The following ST6GALNAC3 variants were observed in gnomAD, a reference collection of about 807,000 sequenced individuals.
ST6GALNAC3 encodes the protein ST6 N-acetylgalactosaminide alpha-2,6-sialyltransferase 3, also known as alpha-N-acetylgalactosaminide alpha-2,6-sialyltransferase 3.
ST6GALNAC3 carries 25 observed loss-of-function variants against 32.7 expected under a neutral mutation model. The ratio of observed to expected loss-of-function variants is 0.76; its 90% confidence interval spans 0.56 to 1.07. The LOEUF (loss-of-function observed/expected upper bound fraction) is 1.07, where lower values mean the gene tolerates loss of function less well. ST6GALNAC3 is among the 50% of genes least tolerant of loss of function. ST6GALNAC3 has a pLI of 0.00. For missense variants in ST6GALNAC3, 355 were observed against 382.4 expected (o/e 0.93, Z 0.60); for synonymous variants, 129 against 133.1 (o/e 0.97, Z 0.21).
intron 2 of ST6GALNAC3, among the ~76,000 whole-genome samples, chr1:76,355,244 T>G (rs185897585): frequency 6.6e-6 from 1 of 152,334 alleles, no homozygotes; most frequent in East Asian, 1.9e-4. Context: ...AGCAGTCTTT[T>G]AAAGAAAACA....
intron 1 of ST6GALNAC3, among the ~76,000 whole-genome samples, chr1:76,140,053 G>GT (rs1409340837): frequency 1.3e-5 from 2 of 152,100 alleles, no homozygotes; most frequent in Non-Finnish European, 2.9e-5. Flanking sequence ...TATTCATATG[G>GT]TGCCTCTCAC....
intron 3 of ST6GALNAC3, among the ~76,000 whole-genome samples, chr1:76,422,334 T>A (rs2101382747): frequency 6.6e-6 from 1 of 152,124 alleles, no homozygotes; most frequent in Middle Eastern, 3.4e-3. Flanking sequence ...GTTACAAGTT[T>A]AAGGCTGTTT....
rs372815277 is a variant in ST6GALNAC3 at position 76,114,396 on chromosome 1, G to A, written c.18+39512G>A. Among the ~76,000 whole-genome samples, 20 of 152,216 alleles carry A rather than the reference G, an allele frequency of 1.3e-4. No homozygotes were observed. The South Asian group carries it at 3.3e-3, about 25-fold the overall frequency. The stretch of plus-strand genomic sequence containing the variant: ...TTATCAGTTTCTTTCCTAGAACAGG[G>A]AGCACCTGTCCTGAACCAGGTCCAG... On this transcript the variant is annotated intron_variant, in intron 1 of 4. Coordinates refer to ENST00000328299, the MANE Select transcript of ST6GALNAC3 (RefSeq NM_152996.4).
intron 3 of ST6GALNAC3, among the ~76,000 whole-genome samples, chr1:76,495,706 C>G (rs1307812371): frequency 1.3e-5 from 2 of 152,042 alleles, no homozygotes; most frequent in Non-Finnish European, 2.9e-5. Flanking sequence ...AAAGTCAACT[C>G]GAAAATTGTA....
At chr1:76,409,673 T>G (rs904293133) in intron 2 of ST6GALNAC3, among the ~76,000 whole-genome samples, 1 of 152,098 alleles carries the variant, frequency 6.6e-6, no homozygotes, top group African/African-American at 2.4e-5. Context: ...TGATTTTTGA[T>G]TAATGGTTTC....
intron 1 of ST6GALNAC3, among the ~76,000 whole-genome samples, chr1:76,152,493 C>T (rs181701501): frequency 1.6e-3 from 249 of 152,306 alleles, no homozygotes; most frequent in Middle Eastern, 6.8e-3. Context: ...AAGTCTTGTG[C>T]TAGGTGAAGG....
chr1:76,618,092 T>C lies in ST6GALNAC3; in HGVS notation c.624-9360T>C, dbSNP rs571783922. On this transcript the variant is annotated intron_variant, in intron 3 of 4. Transcript: ENST00000328299. ...ATTTCTCTAAAATGAACTATGTTACTATGTAATTGCAATTACAGAACTGCT... is the reference window on the plus strand; with the variant it reads ...ATTTCTCTAAAATGAACTATGTTACCATGTAATTGCAATTACAGAACTGCT... 2.6e-5 allele frequency among the ~76,000 whole-genome samples: 4 copies of C among 152,354 alleles called. 1 individual carries two copies. The East Asian group carries it at 7.7e-4, about 29-fold the overall frequency.
Position 76,630,445 on chromosome 1 carries a change from A to G in ST6GALNAC3, c.*1639A>G, listed in dbSNP as rs1479392569. The G allele has an allele frequency of 2.9e-5, 29 of 985,140 alleles. No individual in the cohort carries two copies. The South Asian group carries it at 8.5e-4, about 29-fold the overall frequency. The allele number at this position is 985,140 out of a possible 1,614,324, so 61.0% of individuals were successfully genotyped here. The stretch of plus-strand genomic sequence containing the variant: ...TAGGATTGAGACAATTCTATTTTTC[A>G]TATACTCGTTGCTCATTAAATAGTA... On this transcript the variant is annotated 3_prime_UTR_variant, in exon 5 of 5. Transcript: ENST00000328299.
chr1:76,317,773 G>A (rs188028323), intron 2 of ST6GALNAC3, among the ~76,000 whole-genome samples: 18 of 152,188 alleles, frequency 1.2e-4, no homozygotes, highest in Admixed American at 1.2e-3. Context: ...TAGATTTTAT[G>A]AGCTGAAATG....
chr1:76,636,463 T>C (rs1249776753), downstream of ST6GALNAC3, among the ~76,000 whole-genome samples: 2 of 152,212 alleles, frequency 1.3e-5, no homozygotes, highest in Non-Finnish European at 2.9e-5. Context: ...TTGCTATTTC[T>C]TGAATCTTAA....
At chr1:76,272,687 C>A (rs1658919440) in intron 1 of ST6GALNAC3, among the ~76,000 whole-genome samples, 1 of 152,184 alleles carries the variant, frequency 6.6e-6, no homozygotes, top group African/African-American at 2.4e-5. Flanking sequence ...TCTCTATCAT[C>A]AGGTGTCATC....
At chr1:76,332,032 A>T (rs982717506) in intron 2 of ST6GALNAC3, among the ~76,000 whole-genome samples, 1 of 152,214 alleles carries the variant, frequency 6.6e-6, no homozygotes, top group African/African-American at 2.4e-5. Flanking sequence ...TGTTAAAGTC[A>T]TTAGTGTTAA....
intron 1 of ST6GALNAC3, among the ~76,000 whole-genome samples, chr1:76,132,357 G>T (rs764319725): frequency 6.6e-6 from 1 of 152,196 alleles, no homozygotes; most frequent in Non-Finnish European, 1.5e-5. Flanking sequence ...TGGGGAGGAG[G>T]GGGGAGTATC....
intron 1 of ST6GALNAC3, among the ~76,000 whole-genome samples, chr1:76,302,871 A>C (rs1660808919): frequency 6.6e-6 from 1 of 151,988 alleles, no homozygotes; most frequent in African/African-American, 2.4e-5. Context: ...AAAAGCAGAG[A>C]CTTATTGAAA....
chr1:76,087,056 A>G (rs1337689109), intron 1 of ST6GALNAC3, among the ~76,000 whole-genome samples: 1 of 152,034 alleles, frequency 6.6e-6, no homozygotes, highest in East Asian at 1.9e-4. Context: ...ACCCTGGTTT[A>G]TGTTGCCTGA....
chr1:76,141,083 C>G (rs1025827461), intron 1 of ST6GALNAC3, among the ~76,000 whole-genome samples: 3 of 152,118 alleles, frequency 2.0e-5, no homozygotes, highest in African/African-American at 7.2e-5. Flanking sequence ...GGTTTCCATG[C>G]ACCATGCTGG....
chr1:76,141,030 A>G (rs1356970329), intron 1 of ST6GALNAC3, among the ~76,000 whole-genome samples: 2 of 151,960 alleles, frequency 1.3e-5, no homozygotes, highest in Non-Finnish European at 2.9e-5. Flanking sequence ...TTTGGATGAA[A>G]GACGGAATGG....
chr1:76,391,080 C>T (rs905090333), intron 2 of ST6GALNAC3, among the ~76,000 whole-genome samples: 12 of 151,392 alleles, frequency 7.9e-5, no homozygotes, highest in South Asian at 6.4e-4. Context: ...GCTGGGACTA[C>T]GGGCGCCCAC....
At chr1:76,420,649 G>A (rs1480247306) in intron 3 of ST6GALNAC3, among the ~76,000 whole-genome samples, 2 of 152,030 alleles carry the variant, frequency 1.3e-5, no homozygotes, top group Non-Finnish European at 2.9e-5. Context: ...GACCTCAGCA[G>A]TAACTCCTTT....
Sources: allele counts gnomAD v4.1 joint callset (sites outside exome capture counted in the v4.1 genomes callset), GRCh38; gene constraint gnomAD v4.1.1; transcripts MANE v1.5; gene names NCBI Gene and HGNC (gene_info 2026-07-23, HGNC 2026-07-21).